NKAIN3: variants seen among roughly 807,000 people sequenced by gnomAD.
NKAIN3 encodes sodium/potassium transporting ATPase interacting 3.
NKAIN3 carries 25 observed loss-of-function variants against 30.2 expected under a neutral mutation model. The observed-to-expected ratio is 0.83, with a 90% CI of 0.60 to 1.16. The LOEUF is 1.16. NKAIN3 is among the 50% of genes most tolerant of loss of function. The pLI, the probability that NKAIN3 is intolerant of heterozygous loss-of-function variation, is 0.00. For synonymous variants in NKAIN3, 91 were observed against 89.6 expected, an observed-to-expected ratio of 1.02 and a Z score of -0.09; for missense variants, 225 against 254.1, an observed-to-expected ratio of 0.89 and a Z score of 0.78.
chr8:62,470,755 GA>G (rs1195356249), intron 1 of NKAIN3, among the ~76,000 whole-genome samples: 1 of 151,750 alleles, frequency 6.6e-6, no homozygotes, highest in Non-Finnish European at 1.5e-5. Context: ...ATATTAAATA[GA>G]AGCAAGCAGA....
chr8:62,794,400 A>G (rs1216421515), intron 4 of NKAIN3, among the ~76,000 whole-genome samples: 1 of 152,190 alleles, frequency 6.6e-6, no homozygotes, highest in Non-Finnish European at 1.5e-5. Flanking sequence ...CTATTAATAG[A>G]TAAAATGTCA....
chr8:62,285,992 T>A (rs764055255), intron 1 of NKAIN3, among the ~76,000 whole-genome samples: 13 of 152,166 alleles, frequency 8.5e-5, no homozygotes, highest in African/African-American at 2.4e-5. Flanking sequence ...GCTTACATAT[T>A]TTTATGTGCA....
intron 6 of NKAIN3, among the ~76,000 whole-genome samples, chr8:62,963,908 C>T (rs1411010874): frequency 6.6e-6 from 1 of 152,078 alleles, no homozygotes; most frequent in Non-Finnish European, 1.5e-5. Context: ...AAAAGTAAAA[C>T]TTTTGGGAAA....
In NKAIN3 at chr8:62,413,409, C is replaced by A. The variant is rs192426583; in HGVS notation, c.54+164282C>A. On this transcript the variant is annotated intron_variant, in intron 1 of 6. Coordinates refer to ENST00000623646, the MANE Select transcript of NKAIN3 (RefSeq NM_001304533.3). Reference sequence around the variant, plus strand: ...ACTTGTTAAATATTTTTGACTATCACCCTTGGGTTTATTCATTGGTTTTTG... The same window carrying A: ...ACTTGTTAAATATTTTTGACTATCAACCTTGGGTTTATTCATTGGTTTTTG... Among the ~76,000 whole-genome samples the A allele has an allele frequency of 2.4e-4, 37 of 152,238 alleles. 1 individual carries two copies. In the East Asian group the frequency reaches 6.7e-3, roughly 28 times the overall value.
intron 4 of NKAIN3, among the ~76,000 whole-genome samples, chr8:62,801,160 G>A (rs948624893): frequency 7.2e-5 from 11 of 152,236 alleles, no homozygotes; most frequent in African/African-American, 2.7e-4. Flanking sequence ...AGGCCTGCCT[G>A]CCTCTGTAGG....
At chr8:62,631,040 G>A (rs1254115710) in intron 3 of NKAIN3, among the ~76,000 whole-genome samples, 3 of 152,032 alleles carry the variant, frequency 2.0e-5, no homozygotes, top group African/African-American at 7.2e-5. Context: ...CCCAAAGAAA[G>A]GGACCCTTGC....
Position 62,819,157 on chromosome 8 carries a change from A to G in NKAIN3, c.471+72028A>G, listed in dbSNP as rs1818778228. On this transcript the variant is annotated intron_variant, in intron 4 of 6. Transcript: ENST00000623646. ...GTTATATATATATATATATACATAT[A>G]TATATATATAATTGTTATTTTTGTT... 2.0e-5 allele frequency among the ~76,000 whole-genome samples: 3 copies of G among 147,008 alleles called. No homozygotes were observed. The South Asian group carries it at 6.3e-4, about 31-fold the overall frequency.
intron 1 of NKAIN3, among the ~76,000 whole-genome samples, chr8:62,338,038 G>C (rs1040154177): frequency 3.9e-5 from 6 of 151,928 alleles, no homozygotes; most frequent in Non-Finnish European, 8.8e-5. Context: ...TAGAATATAT[G>C]TCCAGTATAT....
At chr8:62,514,235 T>G (rs1459362532) in intron 1 of NKAIN3, among the ~76,000 whole-genome samples, 1 of 152,162 alleles carries the variant, frequency 6.6e-6, no homozygotes, top group Non-Finnish European at 1.5e-5. Context: ...GAGTATGCAC[T>G]CAGACATTCT....
chr8:62,434,082 G>C (rs1375579491), intron 1 of NKAIN3, among the ~76,000 whole-genome samples: 1 of 152,084 alleles, frequency 6.6e-6, no homozygotes, highest in Non-Finnish European at 1.5e-5. Context: ...GCATGCCAAA[G>C]AGAAAACGAC....
intron 4 of NKAIN3, among the ~76,000 whole-genome samples, chr8:62,789,663 A>C (rs545926874): frequency 4.6e-5 from 7 of 152,264 alleles, no homozygotes; most frequent in African/African-American, 2.4e-5. Context: ...ACAAGCTACC[A>C]TCAGAGAATA....
intron 3 of NKAIN3, among the ~76,000 whole-genome samples, chr8:62,626,894 T>C (rs1248823082): frequency 3.3e-5 from 5 of 152,150 alleles, no homozygotes; most frequent in African/African-American, 1.2e-4. Flanking sequence ...CAATTAAATC[T>C]GTTCAACATG....
intron 1 of NKAIN3, among the ~76,000 whole-genome samples, chr8:62,323,443 G>A (rs1324778047): frequency 6.6e-6 from 1 of 152,190 alleles, no homozygotes; most frequent in African/African-American, 2.4e-5. Context: ...AAGTTATTTT[G>A]AATCAATTAT....
chr8:62,514,032 C>T (rs1180352213), intron 1 of NKAIN3, among the ~76,000 whole-genome samples: 1 of 152,010 alleles, frequency 6.6e-6, no homozygotes, highest in Non-Finnish European at 1.5e-5. Context: ...CCTTGTAGGG[C>T]TCAATGTGAA....
At chr8:62,452,641 A>C (rs1178671114) in intron 1 of NKAIN3, among the ~76,000 whole-genome samples, 2 of 152,172 alleles carry the variant, frequency 1.3e-5, no homozygotes, top group Non-Finnish European at 2.9e-5. Flanking sequence ...AACTTACAAA[A>C]ATATATTTTG....
intron 3 of NKAIN3, among the ~76,000 whole-genome samples, chr8:62,742,882 T>C (rs1453659963): frequency 1.3e-5 from 2 of 152,236 alleles, no homozygotes; most frequent in East Asian, 3.9e-4. Flanking sequence ...CTCAGGAAGC[T>C]TACAAACATG....
At chr8:62,478,320 T>C (rs1227916537) in intron 1 of NKAIN3, among the ~76,000 whole-genome samples, 1 of 152,214 alleles carries the variant, frequency 6.6e-6, no homozygotes, top group Non-Finnish European at 1.5e-5. Flanking sequence ...TTTTAACCAT[T>C]AGACTATTAT....
intron 3 of NKAIN3, among the ~76,000 whole-genome samples, chr8:62,729,043 A>AAAAAAAAAAAAAAAAAC (rs1815378896): frequency 1.6e-5 from 2 of 128,652 alleles, no homozygotes; most frequent in South Asian, 2.6e-4. Flanking sequence ...AAAAAAACAA[A>AAAAAAAAAAAAAAAAAC]AAAAAAAAAC....
At chr8:62,657,404 A>G (rs528892362) in intron 3 of NKAIN3, among the ~76,000 whole-genome samples, 2 of 152,210 alleles carry the variant, frequency 1.3e-5, no homozygotes, top group Non-Finnish European at 2.9e-5. Context: ...ATCATATCCT[A>G]TCATGTGCCC....
Sources: allele counts gnomAD v4.1 joint callset (sites outside exome capture counted in the v4.1 genomes callset), GRCh38; gene constraint gnomAD v4.1.1; transcripts MANE v1.5; gene names NCBI Gene and HGNC (gene_info 2026-07-23, HGNC 2026-07-21).